Variants in CDH13 observed in about 807,000 individuals in gnomAD.
CDH13 encodes cadherin-13.
Under a neutral mutation model 63.8 loss-of-function variants are expected in CDH13, and 24 were observed. The ratio of observed to expected loss-of-function variants is 0.38; its 90% CI spans 0.27 to 0.53. The LOEUF is 0.53. Among genes scored for constraint, CDH13 ranks in the 20% least tolerant of loss-of-function variants. CDH13 has a pLI of 0.85. For missense variants in CDH13, 1,049 were observed against 903.1 expected, an observed-to-expected ratio of 1.16 and a Z score of -2.07; for synonymous variants, 503 against 355.3, an observed-to-expected ratio of 1.42 and a Z score of -4.67.
At chr16:82,900,705 G>C (rs2041437385) in intron 2 of CDH13, among the ~76,000 whole-genome samples, 1 of 152,198 alleles carries the variant, frequency 6.6e-6, no homozygotes, top group African/African-American at 2.4e-5. Flanking sequence ...CAAGAGTATA[G>C]GTCAAGAGGC....
chr16:83,215,025 G>C (rs1165950120), intron 4 of CDH13, among the ~76,000 whole-genome samples: 2 of 141,454 alleles, frequency 1.4e-5, no homozygotes, highest in Non-Finnish European at 3.0e-5. Flanking sequence ...GATTAATCAA[G>C]TCAAGCAATG....
intron 2 of CDH13, among the ~76,000 whole-genome samples, chr16:82,902,210 G>A (rs1216377415): frequency 6.6e-6 from 1 of 152,148 alleles, no homozygotes; most frequent in Non-Finnish European, 1.5e-5. Context: ...GCGTAAATGT[G>A]CCCTAACCTC....
chr16:83,351,722 A>T (rs936679834), intron 6 of CDH13, among the ~76,000 whole-genome samples: 2 of 152,148 alleles, frequency 1.3e-5, no homozygotes, highest in Non-Finnish European at 2.9e-5. Flanking sequence ...TTTCTATAGG[A>T]TATATTTACA....
chr16:83,385,104 A>G (rs562609198), intron 6 of CDH13, among the ~76,000 whole-genome samples: 2 of 152,370 alleles, frequency 1.3e-5, no homozygotes, highest in South Asian at 4.1e-4. Flanking sequence ...ATGCATTAGC[A>G]TGCGGATGCT....
chr16:82,962,270 A>G (rs1486028482), intron 2 of CDH13, among the ~76,000 whole-genome samples: 1 of 152,242 alleles, frequency 6.6e-6, no homozygotes, highest in Non-Finnish European at 1.5e-5. Context: ...AATTACAGCA[A>G]TATGGCCCCA....
intron 2 of CDH13, among the ~76,000 whole-genome samples, chr16:82,945,273 G>A (rs1169726322): frequency 6.6e-6 from 1 of 152,146 alleles, no homozygotes; most frequent in African/African-American, 2.4e-5. Context: ...CAGACAATAT[G>A]GAAACAAATG....
chr16:82,732,170 G>A (rs558781527), intron 1 of CDH13, among the ~76,000 whole-genome samples: 8 of 152,236 alleles, frequency 5.3e-5, no homozygotes, highest in East Asian at 3.9e-4. Flanking sequence ...AAGACTGCAC[G>A]CTTCCCCAGG....
chr16:83,337,556 T>G (rs1200792361), intron 5 of CDH13, among the ~76,000 whole-genome samples: 2 of 151,850 alleles, frequency 1.3e-5, no homozygotes, highest in Non-Finnish European at 2.9e-5. Context: ...AGAGGTGATT[T>G]GCATCCTCTG....
intron 6 of CDH13, among the ~76,000 whole-genome samples, chr16:83,463,659 C>T (rs981973403): frequency 2.0e-5 from 3 of 152,164 alleles, no homozygotes; most frequent in Admixed American, 6.5e-5. Context: ...AAAATTTAAC[C>T]GGGCATGGTG....
At chr16:83,505,200 C>T (rs907890956) in intron 7 of CDH13, among the ~76,000 whole-genome samples, 1 of 152,212 alleles carries the variant, frequency 6.6e-6, no homozygotes, top group African/African-American at 2.4e-5. Flanking sequence ...GATCCCCAGG[C>T]TTCCCCTCCC....
chr16:83,370,313 G>A (rs962290457), intron 6 of CDH13, among the ~76,000 whole-genome samples: 18 of 151,786 alleles, frequency 1.2e-4, no homozygotes, highest in South Asian at 6.3e-4. Context: ...GTGTGAACCC[G>A]GGAGGTGGAG....
chr16:82,801,691 C>A (rs2036862186), intron 1 of CDH13, among the ~76,000 whole-genome samples: 1 of 152,212 alleles, frequency 6.6e-6, no homozygotes, highest in Admixed American at 6.5e-5. Context: ...TCAGCCTCTT[C>A]GTCTACCCGT....
chr16:83,141,840 A>G (rs1450501103), intron 4 of CDH13, among the ~76,000 whole-genome samples: 1 of 152,196 alleles, frequency 6.6e-6, no homozygotes, highest in African/African-American at 2.4e-5. Flanking sequence ...TGCAAAGGAC[A>G]TGAATTCATT....
At chr16:82,968,445 G>T (rs574608950) in intron 2 of CDH13, among the ~76,000 whole-genome samples, 1 of 152,176 alleles carries the variant, frequency 6.6e-6, no homozygotes, top group East Asian at 1.9e-4. Context: ...AGGGATGAAG[G>T]GGGTTAAGTG....
intron 7 of CDH13, among the ~76,000 whole-genome samples, chr16:83,523,431 CTG>C (rs2074885965): frequency 6.6e-6 from 1 of 152,172 alleles, no homozygotes; most frequent in Non-Finnish European, 1.5e-5. Flanking sequence ...GCCCAAGGCT[CTG>C]TCTTGTCATA....
intron 7 of CDH13, among the ~76,000 whole-genome samples, chr16:83,549,664 C>G (rs1351330054): frequency 6.8e-6 from 1 of 146,654 alleles, no homozygotes; most frequent in Non-Finnish European, 1.5e-5. Context: ...AAAGCAAAAA[C>G]AAACAAAAAA....
chr16:83,239,773 C>T (rs1904303034), intron 5 of CDH13, among the ~76,000 whole-genome samples: 2 of 152,164 alleles, frequency 1.3e-5, no homozygotes, highest in African/African-American at 2.4e-5. Flanking sequence ...CCAGAGTTTC[C>T]ACCCTCAGGG....
chr16:83,717,360 T>C (rs751111124), intron 10 of CDH13, among the ~76,000 whole-genome samples: 1 of 152,204 alleles, frequency 6.6e-6, no homozygotes, highest in African/African-American at 2.4e-5. Flanking sequence ...TTTTTGTATA[T>C]ATTTTCCATC....
chr16:83,419,562 G>C (rs1306369711), intron 6 of CDH13, among the ~76,000 whole-genome samples: 1 of 152,152 alleles, frequency 6.6e-6, no homozygotes, highest in East Asian at 1.9e-4. Context: ...TCTACCAGTA[G>C]TAATACCTGA....
Sources: gnomAD v4.1 joint callset for allele counts (sites outside exome capture counted in the v4.1 genomes callset) on GRCh38, gnomAD v4.1.1 for gene constraint, MANE v1.5 for transcripts, NCBI Gene and HGNC (gene_info 2026-07-23, HGNC 2026-07-21) for gene names.